EYS: variants seen among roughly 807,000 people sequenced by gnomAD.
EYS encodes the protein EGF-like photoreceptor maintenance factor, also known as protein eyes shut homolog.
Under a neutral mutation model 282.1 loss-of-function variants are expected in EYS, and 250 were observed. The ratio of observed to expected loss-of-function variants is 0.89; its 90% CI spans 0.80 to 0.98. The LOEUF is 0.98. EYS is among the 50% of genes least tolerant of loss of function. The pLI, the probability that EYS is intolerant of heterozygous loss-of-function variation, is 0.00. For synonymous variants in EYS, 1,355 were observed against 1,282.9 expected (o/e 1.06, Z -1.20); for missense variants, 4,016 against 3,709.0 (o/e 1.08, Z -2.15).
chr6:65,371,708 C>CCTCTCTCTCTCT (rs140879689), intron 8 of EYS, among the ~76,000 whole-genome samples: 5 of 119,116 alleles, frequency 4.2e-5, no homozygotes, highest in African/African-American at 1.8e-4. Context: ...TCTCTCTCTC[C>CCTCTCTCTCTCT]CTCTCTCTCT....
chr6:64,651,991 A>G (rs529397009), intron 22 of EYS, among the ~76,000 whole-genome samples: 1 of 152,342 alleles, frequency 6.6e-6, no homozygotes, highest in East Asian at 1.9e-4. Flanking sequence ...CTCCAAGTGT[A>G]CTGGTGGAAG....
chr6:64,315,342 G>T (rs1769909814), intron 29 of EYS, among the ~76,000 whole-genome samples: 1 of 152,284 alleles, frequency 6.6e-6, no homozygotes, highest in East Asian at 1.9e-4. Flanking sequence ...GAGGTACAAA[G>T]AGGAGCTGGT....
At chr6:64,462,923 T>G (rs1009076990) in intron 26 of EYS, among the ~76,000 whole-genome samples, 8 of 151,378 alleles carry the variant, frequency 5.3e-5, no homozygotes, top group Non-Finnish European at 7.4e-5. Flanking sequence ...CTTTCAAGTA[T>G]AGCTTATTCT....
At chr6:64,704,232 T>C (rs975402763) in intron 22 of EYS, among the ~76,000 whole-genome samples, 24 of 150,514 alleles carry the variant, frequency 1.6e-4, no homozygotes, top group Non-Finnish European at 2.5e-4. Context: ...GTATTCATAT[T>C]ATAATTCCAC....
intron 12 of EYS, among the ~76,000 whole-genome samples, chr6:65,179,628 C>T (rs896910662): frequency 6.6e-6 from 1 of 152,038 alleles, no homozygotes; most frequent in Non-Finnish European, 1.5e-5. Flanking sequence ...ACCAGAGGTA[C>T]AAGGAGGAGC....
At chr6:65,210,140 T>A (rs150553526) in intron 12 of EYS, among the ~76,000 whole-genome samples, 388 of 152,102 alleles carry the variant, frequency 2.6e-3, no homozygotes, top group African/African-American at 8.6e-3. Context: ...ACATGAAATG[T>A]CCAAAACATG....
At chr6:65,126,775 C>A (rs909111118) in intron 12 of EYS, among the ~76,000 whole-genome samples, 1 of 152,124 alleles carries the variant, frequency 6.6e-6, no homozygotes, top group Non-Finnish European at 1.5e-5. Flanking sequence ...CTCTTGCAGC[C>A]CAGCATGTCA....
intron 14 of EYS, among the ~76,000 whole-genome samples, chr6:64,946,981 T>C (rs890224685): frequency 1.3e-5 from 2 of 151,472 alleles, no homozygotes; most frequent in African/African-American, 2.4e-5. Context: ...GAGGTGAGAG[T>C]TGAGTTAGAT....
At chr6:64,977,542 G>A (rs994389432) in intron 14 of EYS, among the ~76,000 whole-genome samples, 1 of 151,776 alleles carries the variant, frequency 6.6e-6, no homozygotes, top group Non-Finnish European at 1.5e-5. Context: ...GAAAGGAAGA[G>A]TTGCACATGT....
intron 12 of EYS, among the ~76,000 whole-genome samples, chr6:65,241,115 A>G (rs1388150404): frequency 6.6e-6 from 1 of 152,166 alleles, no homozygotes; most frequent in African/African-American, 2.4e-5. Flanking sequence ...ATATTTTGAA[A>G]TTAGACTTAC....
chr6:64,005,939 C>T (rs779131940), intron 33 of EYS, among the ~76,000 whole-genome samples: 3 of 151,910 alleles, frequency 2.0e-5, no homozygotes, highest in African/African-American at 4.8e-5. Context: ...TTTGGATTGC[C>T]GTGGTTATCC....
chr6:64,751,737 A>C (rs866493859), intron 22 of EYS, among the ~76,000 whole-genome samples: 3 of 152,208 alleles, frequency 2.0e-5, no homozygotes, highest in African/African-American at 7.2e-5. Flanking sequence ...TCTGCTGACA[A>C]GAGTGCTCAG....
At chr6:63,966,880 C>T (rs768178475) in intron 35 of EYS, among the ~76,000 whole-genome samples, 1 of 152,148 alleles carries the variant, frequency 6.6e-6, no homozygotes, top group Non-Finnish European at 1.5e-5. Flanking sequence ...GTGGTTTCCC[C>T]TTATCTGTGG....
chr6:65,128,299 A>T (rs2150200708), intron 12 of EYS, among the ~76,000 whole-genome samples: 1 of 152,124 alleles, frequency 6.6e-6, no homozygotes, highest in South Asian at 2.1e-4. Flanking sequence ...CACTACACCT[A>T]TTCAATATAG....
intron 26 of EYS, among the ~76,000 whole-genome samples, chr6:64,456,096 T>A (rs1775551074): frequency 6.6e-6 from 1 of 152,118 alleles, no homozygotes; most frequent in Non-Finnish European, 1.5e-5. Flanking sequence ...CTGATTTTCA[T>A]ACCAAAGTTT....
chr6:64,185,371 T>TAA (rs35086192), intron 31 of EYS, among the ~76,000 whole-genome samples: 52,273 of 151,860 alleles, frequency 0.34, 9,011 homozygotes, highest in East Asian at 0.53. Context: ...TGTATTCACT[T>TAA]GATTATTTTT....
rs1448028551 is a variant in EYS, at chr6:65,295,802, T to A, written c.2023+61A>T. 39 of 1,321,696 alleles carry A rather than the reference T, an allele frequency of 3.0e-5. No homozygotes were observed. The South Asian group carries it at 4.2e-4, about 14-fold the overall frequency. 81.9% of individuals were successfully genotyped at this position (1,321,696 alleles called of 1,614,324 possible). On this transcript the variant is annotated intron_variant, in intron 12 of 42. Coordinates refer to ENST00000503581, the MANE Select transcript of EYS (RefSeq NM_001142800.2). The stretch of plus-strand genomic sequence containing the variant: ...TGAGATATATTTGAGATATATCAAA[T>A]AAATATATTAACAACATTATTTACT...
intron 26 of EYS, among the ~76,000 whole-genome samples, chr6:64,449,380 T>C (rs1000379208): frequency 2.0e-5 from 3 of 152,154 alleles, no homozygotes; most frequent in African/African-American, 4.8e-5. Context: ...CTACGTCTCA[T>C]TGGTGTACCT....
chr6:65,380,381 T>G (rs1351561496), intron 8 of EYS, among the ~76,000 whole-genome samples: 1 of 152,142 alleles, frequency 6.6e-6, no homozygotes, highest in Non-Finnish European at 1.5e-5. Flanking sequence ...AAGAATTCCC[T>G]ATTTAATAAA....
Sources: gnomAD v4.1 joint callset for allele counts (sites outside exome capture counted in the v4.1 genomes callset) on GRCh38, gnomAD v4.1.1 for gene constraint, MANE v1.5 for transcripts, NCBI Gene and HGNC (gene_info 2026-07-23, HGNC 2026-07-21) for gene names.